Variants in LONP2 observed in about 807,000 individuals in gnomAD.
LONP2 encodes lon protease homolog 2, peroxisomal.
LONP2 carries 60 observed loss-of-function variants against 85.6 expected under a neutral mutation model. The ratio of observed to expected loss-of-function variants is 0.70; its 90% CI spans 0.57 to 0.87. The LOEUF (loss-of-function observed/expected upper bound fraction) is 0.87. LONP2 is among the 40% of genes least tolerant of loss of function. The pLI is 0.00. For missense variants in LONP2, 860 were observed against 1,063.5 expected, an observed-to-expected ratio of 0.81 and a Z score of 2.66; for synonymous variants, 395 against 389.7, an observed-to-expected ratio of 1.01 and a Z score of -0.16.
At chr16:48,247,818 C>T (rs768407630) in intron 1 of LONP2, among the ~76,000 whole-genome samples, 25 of 152,218 alleles carry the variant, frequency 1.6e-4, no homozygotes, top group Non-Finnish European at 2.8e-4. Context: ...CTCATAGTGC[C>T]GACTTCTCAG....
chr16:48,329,772 A>G (rs188464500), intron 11 of LONP2, among the ~76,000 whole-genome samples: 160 of 152,274 alleles, frequency 1.1e-3, no homozygotes, highest in African/African-American at 3.6e-3. Context: ...TTCTCACATT[A>G]CTTGAAAACA....
downstream of LONP2, among the ~76,000 whole-genome samples, chr16:48,359,467 A>G (rs576182277): frequency 3.3e-5 from 5 of 152,238 alleles, no homozygotes; most frequent in South Asian, 6.2e-4. Context: ...GCTCACGCCT[A>G]TAATCCCAGC....
At chr16:48,334,995 A>G (rs1026689304) in intron 12 of LONP2, 19 of 295,158 alleles carry the variant, frequency 6.4e-5, no homozygotes, top group Admixed American at 9.1e-5. Context: ...TGGAAACTTT[A>G]TTTCTATATG....
intron 3 of LONP2, 27 bp from the exon 4 acceptor site, chr16:48,258,591 C>G: frequency 6.4e-7 from 1 of 1,570,688 alleles, no homozygotes; most frequent in Admixed American, 2.0e-5. Context: ...TGAGAGAGAT[C>G]CTATTGATTG....
intron 12 of LONP2, among the ~76,000 whole-genome samples, chr16:48,335,311 A>G (rs576589777): frequency 2.6e-5 from 4 of 152,290 alleles, no homozygotes; most frequent in African/African-American, 9.6e-5. Flanking sequence ...ATCTTTCAGG[A>G]ACCTATTGTT....
rs745798174 is a variant in LONP2 at position 48,262,781 on chromosome 16, C to CA, written c.898dup (p.Met300AsnfsTer12). 6.2e-7 allele frequency: 1 copy of CA among 1,603,918 alleles called. No individual in the cohort carries two copies. The highest frequency in any genetic ancestry group is 8.5e-7 in the Non-Finnish European group (1 of 1,173,756). On this transcript the variant is annotated frameshift_variant, in exon 6 of 15. Transcript: ENST00000285737. LOFTEE classifies it high-confidence loss of function. The stretch of plus-strand genomic sequence containing the variant: ...GCTGTGTATTCTTTCTCCACAGACT[C>CA]AAAAAAATGCCTCAGTCAATGCCAG...
chr16:48,301,478 C>T (rs1321231580), intron 10 of LONP2, among the ~76,000 whole-genome samples: 2 of 152,052 alleles, frequency 1.3e-5, no homozygotes, highest in Non-Finnish European at 1.5e-5. Context: ...TAGCTGGGAC[C>T]ACAGGTGCAT....
chr16:48,246,725 C>T (rs1213494229), intron 1 of LONP2, among the ~76,000 whole-genome samples: 1 of 152,088 alleles, frequency 6.6e-6, no homozygotes, highest in African/African-American at 2.4e-5. Flanking sequence ...TAGGCGTGCA[C>T]CACTACACCC....
At chr16:48,295,965 C>T in intron 8 of LONP2, 50 bp from the exon 9 acceptor site, 1 of 1,580,118 alleles carries the variant, frequency 6.3e-7, no homozygotes, top group South Asian at 1.1e-5. Flanking sequence ...TATATACAGC[C>T]TTCTGTTGGC....
intron 11 of LONP2, among the ~76,000 whole-genome samples, chr16:48,329,204 G>A (rs887461881): frequency 2.6e-5 from 4 of 152,070 alleles, no homozygotes; most frequent in Non-Finnish European, 5.9e-5. Flanking sequence ...AGTTACCTGT[G>A]GTCAACCATC....
chr16:48,332,765 G>A (rs796463912), intron 11 of LONP2, among the ~76,000 whole-genome samples: 9 of 151,658 alleles, frequency 5.9e-5, no homozygotes, highest in African/African-American at 2.2e-4. Context: ...AACATTAGCC[G>A]GGCATGGTGT....
At chr16:48,308,757 A>C (rs1567334644) in intron 11 of LONP2, among the ~76,000 whole-genome samples, 1 of 152,198 alleles carries the variant, frequency 6.6e-6, no homozygotes, top group Non-Finnish European at 1.5e-5. Context: ...AGAGTTCATG[A>C]CTAAGACCTC....
chr16:48,323,762 A>G (rs779211372), intron 11 of LONP2, among the ~76,000 whole-genome samples: 2 of 152,230 alleles, frequency 1.3e-5, no homozygotes, highest in Non-Finnish European at 2.9e-5. Flanking sequence ...TAAACTTGAA[A>G]GAAAATGTAT....
At position 48,356,673 on chromosome 16, in the gene LONP2, A is replaced by AAT. The variant is rs1960373371; in HGVS notation, c.*4874_*4875dup. On this transcript the variant is annotated 3_prime_UTR_variant, in exon 15 of 15. Transcript: ENST00000285737. ...AACAAAAATGCTGAAAGAGGAAGGA[A>AAT]ATATCAAAAAGGTCTGAATAGACAA... is the stretch of plus-strand genomic sequence containing the variant. The AAT allele has an allele frequency of 2.6e-6, 1 of 390,330 alleles. No individual in the cohort carries two copies. The highest frequency in any genetic ancestry group is 5.2e-6 in the Non-Finnish European group (1 of 193,402). 24.2% of individuals were successfully genotyped at this position (390,330 alleles called of 1,614,324 possible). A position where few individuals can be genotyped will look rare whatever the true frequency, so the allele number is the denominator to read the frequency against.
chr16:48,303,545 G>A (rs1181028721), intron 11 of LONP2, among the ~76,000 whole-genome samples: 1 of 152,140 alleles, frequency 6.6e-6, no homozygotes, highest in African/African-American at 2.4e-5. Context: ...GAGGATATAG[G>A]AACTGTATTA....
intron 1 of LONP2, among the ~76,000 whole-genome samples, chr16:48,246,521 C>T (rs898697861): frequency 3.3e-5 from 5 of 152,146 alleles, no homozygotes; most frequent in Non-Finnish European, 5.9e-5. Flanking sequence ...TTAAGTTTCA[C>T]TATTTGTTGG....
chr16:48,334,342 C>T lies in LONP2; in HGVS notation c.1922C>T (p.Pro641Leu), dbSNP rs1022097141. The T allele has an allele frequency of 2.5e-6, 4 of 1,614,122 alleles. No individual in the cohort carries two copies. The highest frequency in any genetic ancestry group is 3.3e-4 in the Middle Eastern group (2 of 6,062). Residue 641 changes from proline to leucine, a missense_variant, in exon 12 of 15, where the codon CCG (proline) becomes CTG (leucine). Transcript: ENST00000285737. ...FHALKDILGP[P>L]MYEMEVSQRL... ...GCTCTGAAAGACATCCTTGGGCCCC[C>T]GATGTATGAAATGGAGGTGATTCAT...
chr16:48,316,007 A>AT (rs1391237856), intron 11 of LONP2, among the ~76,000 whole-genome samples: 10 of 52,404 alleles, frequency 1.9e-4, no homozygotes, highest in South Asian at 4.8e-4. Flanking sequence ...GCCACTGGAT[A>AT]TTTTTTTTTT....
chr16:48,266,275 G>A (rs564219311), intron 6 of LONP2, among the ~76,000 whole-genome samples: 1 of 151,708 alleles, frequency 6.6e-6, no homozygotes, highest in African/African-American at 2.4e-5. Flanking sequence ...AAAGTGCTGG[G>A]ATTACAAACG....
Sources: gnomAD v4.1 joint callset for allele counts (sites outside exome capture counted in the v4.1 genomes callset) on GRCh38, gnomAD v4.1.1 for gene constraint, MANE v1.5 for transcripts, NCBI Gene and HGNC (gene_info 2026-07-23, HGNC 2026-07-21) for gene names.